FRA10AC1: variants seen among roughly 807,000 people sequenced by gnomAD.
The protein encoded by FRA10AC1 is protein FRA10AC1.
A neutral mutation model predicts 56.5 loss-of-function variants in FRA10AC1; 43 were observed. The observed-to-expected ratio is 0.76, with a 90% CI of 0.60 to 0.98. The LOEUF is 0.98. Ranked by LOEUF, FRA10AC1 falls within the 50% of genes least tolerant of loss-of-function variation. FRA10AC1 has a pLI of 0.00. For synonymous variants in FRA10AC1, 112 were observed against 110.5 expected (o/e 1.01, Z -0.09); for missense variants, 346 against 351.8 (o/e 0.98, Z 0.13).
intron 11 of FRA10AC1, among the ~76,000 whole-genome samples, chr10:93,678,398 T>C (rs1447245429): frequency 1.3e-5 from 2 of 152,196 alleles, no homozygotes; most frequent in South Asian, 2.1e-4. Flanking sequence ...TTATTTAACA[T>C]TTTCTAAGAC....
rs569149091 is a variant in FRA10AC1 at position 93,702,253 on chromosome 10, C to CAA, written c.-1+120_-1+121dup. On this transcript the variant is annotated intron_variant, in intron 1 of 13. Coordinates refer to ENST00000359204, the MANE Select transcript of FRA10AC1 (RefSeq NM_145246.5). ...CCAGGTGTCTCCAGAATCTGTCATC[C>CAA]AAAAAAAAAAAAACCAAACCAAAAC... 7 of 101,838 alleles carry CAA rather than the reference C, an allele frequency of 6.9e-5. No homozygotes were observed. In the South Asian group the frequency reaches 1.4e-3, roughly 21 times the overall value. The allele number at this position is 101,838 out of a possible 1,614,324, so 6.3% of individuals were successfully genotyped here.
chr10:93,669,094 A>G lies in FRA10AC1; in HGVS notation c.*732T>C, dbSNP rs2058721957. 6.6e-6 allele frequency: 1 copy of G among 152,158 alleles called. No individual in the cohort carries two copies. Among genetic ancestry groups the G allele is most frequent in the Admixed American group, 6.6e-5 (1 of 15,260 alleles). The allele number at this position is 152,158 out of a possible 1,614,324, so 9.4% of individuals were successfully genotyped here. On this transcript the variant is annotated 3_prime_UTR_variant, in exon 14 of 14. Transcript: ENST00000359204. ...ACAGGCTAGGAAGTCAAATTTGATT[A>G]TAACAAACTCTCTTAAGTGGTAGAG...
At position 93,681,530 on chromosome 10, in the gene FRA10AC1, T is replaced by C; in HGVS notation, c.737A>G (p.Lys246Arg). The C allele has an allele frequency of 6.3e-7, 1 of 1,581,088 alleles. No homozygotes were observed. Among genetic ancestry groups the C allele is most frequent in the Non-Finnish European group, 8.6e-7 (1 of 1,168,792 alleles). The change falls in exon 11 of 14, where the codon AAA (lysine) becomes AGA (arginine). Residue 246 changes from lysine (K) to arginine (R), a missense_variant. Lys to Arg is a conservative substitution (Grantham distance 26). Coordinates refer to ENST00000359204, the MANE Select transcript of FRA10AC1 (RefSeq NM_145246.5). ...TKKDCEESSHKKSRLSSAEEA... is the reference protein window; with the variant it reads ...TKKDCEESSHRKSRLSSAEEA... ...TTCTGCAGAAGATAATCTGGATTTTTTATGTGATGACTCTTCACAGTCTTT... is the reference window on the plus strand; with the variant it reads ...TTCTGCAGAAGATAATCTGGATTTTCTATGTGATGACTCTTCACAGTCTTT...
At chr10:93,672,036 A>C (rs1453254382) in intron 12 of FRA10AC1, 1 of 448,526 alleles carries the variant, frequency 2.2e-6, no homozygotes, top group Non-Finnish European at 4.4e-6. Context: ...TAACACTATA[A>C]CTCACAAAGT....
At chr10:93,702,709 G>C (rs1418253567), upstream of FRA10AC1, 2 of 237,740 alleles carry the variant, frequency 8.4e-6, no homozygotes, top group African/African-American at 2.3e-5. Flanking sequence ...GGCCCGGAAA[G>C]GGACGAAGAG....
chr10:93,689,582 G>C, intron 7 of FRA10AC1, among the ~76,000 whole-genome samples: 1 of 152,148 alleles, frequency 6.6e-6, no homozygotes, highest in Non-Finnish European at 1.5e-5. Flanking sequence ...AACTTATTAA[G>C]CAACTACCTA....
At chr10:93,691,115 T>C (rs191090389) in intron 7 of FRA10AC1, among the ~76,000 whole-genome samples, 1 of 152,306 alleles carries the variant, frequency 6.6e-6, no homozygotes, top group East Asian at 1.9e-4. Flanking sequence ...TCCTCTCACA[T>C]TTCTAACTGA....
intron 1 of FRA10AC1, among the ~76,000 whole-genome samples, chr10:93,701,416 T>C (rs191694980): frequency 6.6e-6 from 1 of 152,346 alleles, no homozygotes; most frequent in East Asian, 1.9e-4. Flanking sequence ...CCTGGCTACC[T>C]TGAATAAGTC....
chr10:93,675,862 CATT>C (rs1432880041), intron 12 of FRA10AC1, among the ~76,000 whole-genome samples: 1 of 152,160 alleles, frequency 6.6e-6, no homozygotes, highest in Admixed American at 6.5e-5. Flanking sequence ...AAAAATTCAA[CATT>C]ATATTACTGT....
At position 93,691,991 on chromosome 10, in the gene FRA10AC1, AAT is replaced by A; in HGVS notation, c.465+16_465+17del. 6.4e-7 allele frequency: 1 copy of A among 1,561,130 alleles called. No homozygotes were observed. ...ACTTGAATAAGAACCTCTTTCCATAAATATGTGGAAAGCATACCTTATTTTCT... is the reference window on the plus strand; with the variant it reads ...ACTTGAATAAGAACCTCTTTCCATAAATGTGGAAAGCATACCTTATTTTCT... On this transcript the variant is annotated intron_variant, in intron 7 of 13. Transcript: ENST00000359204.
chr10:93,689,423 ACT>A (rs765571137), intron 7 of FRA10AC1, among the ~76,000 whole-genome samples: 7 of 152,124 alleles, frequency 4.6e-5, no homozygotes, highest in Middle Eastern at 6.8e-3. Flanking sequence ...TTTCAGGATA[ACT>A]CTGTTTAATT....
chr10:93,692,085 C>T lies in FRA10AC1; in HGVS notation c.389G>A (p.Arg130Lys), dbSNP rs1308818474. The T allele has an allele frequency of 6.5e-7, 1 of 1,542,798 alleles. No homozygotes were observed. The highest frequency in any genetic ancestry group is 8.7e-7 in the Non-Finnish European group (1 of 1,151,622). ...TTTATCATAGTATTTCTTAGCAAGT[C>T]TCTTCTCCCTAGACCCATGAAAATA... ...EDEMDMTWEK[R>K]LAKKYYDKLF... The change falls in exon 7 of 14, where the codon AGA becomes AAA. Residue 130 changes from arginine to lysine, a missense_variant. Physicochemically the swap from Arg to Lys is conservative, Grantham distance 26. Coordinates refer to ENST00000359204, the MANE Select transcript of FRA10AC1 (RefSeq NM_145246.5).
Position 93,683,894 on chromosome 10 carries a change from C to T in FRA10AC1, c.668+162G>A, listed in dbSNP as rs143113651. Among the ~76,000 whole-genome samples, 467 of 152,286 alleles carry T rather than the reference C, an allele frequency of 3.1e-3. 4 individuals are homozygous for T. Among genetic ancestry groups the T allele is most frequent in the African/African-American group, 0.01 (423 of 41,560 alleles). ...GGCAAGAATAGGGCATAGCGGACTT[C>T]TAAACCCCTCGTTTATGTAGCCATA... On this transcript the variant is annotated intron_variant, in intron 10 of 13. Coordinates refer to ENST00000359204, the MANE Select transcript of FRA10AC1 (RefSeq NM_145246.5).
In FRA10AC1 at chr10:93,670,789, C is replaced by G; in HGVS notation, c.886G>C (p.Glu296Gln). 2.5e-6 allele frequency: 4 copies of G among 1,608,832 alleles called. No individual in the cohort carries two copies. Among genetic ancestry groups the G allele is most frequent in the Non-Finnish European group, 3.4e-6 (4 of 1,175,602 alleles). The part of the protein sequence containing the change: ...ESELWKGPLP[E>Q]TDEKSQEEEF... ...ACTTACTGTGATTTTTCATCTGTCT[C>G]TGGTAGTGGACCCTTCCAAAGTTCA... The change falls in exon 13 of 14, where the codon GAG (glutamate) becomes CAG (glutamine). Residue 296 changes from glutamate (E) to glutamine (Q), a missense_variant. Glu to Gln is a conservative substitution (Grantham distance 29). Coordinates refer to ENST00000359204, the MANE Select transcript of FRA10AC1 (RefSeq NM_145246.5).
intron 10 of FRA10AC1, 110 bp downstream of exon 10, chr10:93,683,946 C>A: frequency 4.1e-6 from 3 of 732,120 alleles, no homozygotes. Context: ...TCTACATGAT[C>A]AACCAATTCA....
At chr10:93,693,480 G>GTATA (rs1321578874) in intron 5 of FRA10AC1, among the ~76,000 whole-genome samples, 1 of 19,736 alleles carries the variant, frequency 5.1e-5, no homozygotes, top group Admixed American at 6.5e-4. Flanking sequence ...TGTGGTGTGT[G>GTATA]TGTATATATA....
intron 12 of FRA10AC1, chr10:93,673,366 C>T (rs781157036): frequency 6.6e-5 from 30 of 456,432 alleles, no homozygotes; most frequent in Non-Finnish European, 1.3e-4. Context: ...GCAGTTCCTC[C>T]AACATTCTTC....
At chr10:93,684,687 G>C (rs558937193) in intron 9 of FRA10AC1, among the ~76,000 whole-genome samples, 1 of 152,062 alleles carries the variant, frequency 6.6e-6, no homozygotes, top group Non-Finnish European at 1.5e-5. Context: ...GAGAAGGCTA[G>C]AGGAACAGCT....
intron 2 of FRA10AC1, 72 bp downstream of exon 2, chr10:93,699,958 T>C (rs949070208): frequency 2.4e-6 from 2 of 838,350 alleles, no homozygotes; most frequent in Non-Finnish European, 3.8e-6. Context: ...AAAATTTCAC[T>C]CTTGTTTATT....
Sources: gnomAD v4.1 joint callset for allele counts (sites outside exome capture counted in the v4.1 genomes callset) on GRCh38, gnomAD v4.1.1 for gene constraint, MANE v1.5 for transcripts, NCBI Gene and HGNC (gene_info 2026-07-23, HGNC 2026-07-21) for gene names.